The following B4GALT2 variants were observed in gnomAD, a reference collection of about 807,000 sequenced individuals.
B4GALT2 encodes the protein N-acetyllactosamine synthase.
A neutral mutation model predicts 33.2 loss-of-function variants in B4GALT2; 18 were observed. The observed-to-expected ratio is 0.54, with a 90% CI of 0.38 to 0.80. The LOEUF (loss-of-function observed/expected upper bound fraction) is 0.80, where lower values mean the gene tolerates loss of function less well. Among genes scored for constraint, B4GALT2 ranks in the 30% least tolerant of loss-of-function variants. The pLI is 0.00. For synonymous variants in B4GALT2, 214 were observed against 217.6 expected (o/e 0.98, Z 0.15); for missense variants, 404 against 526.2 (o/e 0.77, Z 2.27).
intron 3 of B4GALT2, among the ~76,000 whole-genome samples, chr1:43,983,424 G>C (rs2085622570): frequency 6.6e-6 from 1 of 152,208 alleles, no homozygotes. Context: ...GTCAGTGTCA[G>C]GAAGGAGACA....
intron 6 of B4GALT2, 97 bp from the exon 7 acceptor site, chr1:43,990,201 G>T (rs1446480968): frequency 2.0e-6 from 3 of 1,502,050 alleles, no homozygotes; most frequent in Non-Finnish European, 2.7e-6. Context: ...GGTCCCCTTG[G>T]CCAAAAGGGG....
At chr1:43,980,232 A>T in intron 1 of B4GALT2, 2 of 627,564 alleles carry the variant, frequency 3.2e-6, no homozygotes, top group Non-Finnish European at 5.0e-6. Context: ...CCACAGCTGG[A>T]GCCATCGCCC....
chr1:43,990,676 T>G lies in B4GALT2; in HGVS notation c.*228T>G. The G allele has an allele frequency of 1.7e-6, 1 of 584,498 alleles. No homozygotes were observed. Among genetic ancestry groups the G allele is most frequent in the Non-Finnish European group, 3.0e-6 (1 of 335,930 alleles). 36.2% of individuals were successfully genotyped at this position (584,498 alleles called of 1,614,324 possible). ...TGGCCCTCTTTGGAGTCAACCCTCC[T>G]TCCCGACCCCCTCCCCCTAGCCCAG... On this transcript the variant is annotated 3_prime_UTR_variant, in exon 7 of 7. Coordinates refer to ENST00000372324, the MANE Select transcript of B4GALT2 (RefSeq NM_003780.5).
intron 6 of B4GALT2, among the ~76,000 whole-genome samples, chr1:43,989,731 GA>G (rs2085703109): frequency 2.0e-5 from 3 of 152,240 alleles, no homozygotes; most frequent in Non-Finnish European, 4.4e-5. Flanking sequence ...GTCTTATCAG[GA>G]GAAAGTTACT....
Position 43,981,128 on chromosome 1 carries a change from G to C in B4GALT2, c.-33G>C, listed in dbSNP as rs2085588954. 2 of 1,592,774 alleles carry C rather than the reference G, an allele frequency of 1.3e-6. No individual in the cohort carries two copies. Among genetic ancestry groups the C allele is most frequent in the East Asian group, 4.5e-5 (2 of 44,700 alleles). On this transcript the variant is annotated 5_prime_UTR_variant, in exon 2 of 7. Transcript: ENST00000372324. The surrounding 1 kb of genome is among the most constrained non-coding windows in gnomAD (Gnocchi z 8.1). ...GCTCAGGCCAGCAGCCGGATGCCCG[G>C]GCCCACTGGGCGGGCCAGTGGCCGC...
rs771298822 is a variant in B4GALT2 at position 43,990,622 on chromosome 1, G to T, written c.*174G>T. ...GAAGTTTCAGAACCCACTTTGGGGG[G>T]CCTCCTGCCTGGGCAGGCTCTTCAA... On this transcript the variant is annotated 3_prime_UTR_variant, in exon 7 of 7. Coordinates refer to ENST00000372324, the MANE Select transcript of B4GALT2 (RefSeq NM_003780.5). 4.9e-5 allele frequency: 44 copies of T among 890,370 alleles called. No homozygotes were observed. Among genetic ancestry groups the T allele is most frequent in the Non-Finnish European group, 7.3e-5 (44 of 599,206 alleles). 55.2% of individuals were successfully genotyped at this position (890,370 alleles called of 1,614,324 possible).
At chr1:43,980,378 G>T (rs1005902129) in intron 1 of B4GALT2, 2 of 308,102 alleles carry the variant, frequency 6.5e-6, no homozygotes, top group Non-Finnish European at 1.1e-5. Flanking sequence ...TGGCTTTGAG[G>T]TCTTAAGTGA....
At chr1:43,985,659 A>C (rs764114218) in intron 6 of B4GALT2, 38 bp downstream of exon 6, 1 of 1,591,890 alleles carries the variant, frequency 6.3e-7, no homozygotes. Flanking sequence ...CCCCAGAGGC[A>C]ACTTCCCAAT....
chr1:43,980,430 C>T, intron 1 of B4GALT2: 1 of 555,452 alleles, frequency 1.8e-6, no homozygotes, highest in Non-Finnish European at 2.3e-6. Flanking sequence ...CGTTTTGCTC[C>T]AGTGGGAAGG....
rs747683462 is a variant in B4GALT2 at position 43,979,336 on chromosome 1, C to CGCGGCGGCG, written c.-208_-200dup. On this transcript the variant is annotated 5_prime_UTR_variant, in exon 1 of 7. Transcript: ENST00000372324. This position sits in a 1 kb window ranked among gnomAD's most constrained non-coding sequence, Gnocchi z 4.8. ...CCCGGGGCGGCTCGGCTCCATGGCCCGCGGCGGCGGCGGCGGCGGCGGCGG... is the reference window on the plus strand; with the variant it reads ...CCCGGGGCGGCTCGGCTCCATGGCCCGCGGCGGCGGCGGCGGCGGCGGCGGCGGCGGCGG... The CGCGGCGGCG allele has an allele frequency of 1.4e-4, 20 of 146,502 alleles. No homozygotes were observed. Among genetic ancestry groups the CGCGGCGGCG allele is most frequent in the Non-Finnish European group, 2.1e-4 (14 of 66,178 alleles). 9.1% of individuals were successfully genotyped at this position (146,502 alleles called of 1,614,324 possible). A position where few individuals can be genotyped will look rare whatever the true frequency, so the allele number is the denominator to read the frequency against.
rs188669335 is a variant in B4GALT2 at position 43,981,530 on chromosome 1, A to G, written c.313+57A>G. On this transcript the variant is annotated intron_variant, in intron 2 of 6. Coordinates refer to ENST00000372324, the MANE Select transcript of B4GALT2 (RefSeq NM_003780.5). This position sits in a 1 kb window ranked among gnomAD's most constrained non-coding sequence, Gnocchi z 8.1. ...GAAACAGGGTTTTATTGGTTTGACT[A>G]GAGAAATGGCATCTGGACCCAGGGG... 7.2e-6 allele frequency: 11 copies of G among 1,524,676 alleles called. No individual in the cohort carries two copies. In the South Asian group the frequency reaches 1.4e-4, roughly 19 times the overall value. 94.4% of individuals were successfully genotyped at this position (1,524,676 alleles called of 1,614,324 possible). A position where few individuals can be genotyped will look rare whatever the true frequency, so the allele number is the denominator to read the frequency against.
In B4GALT2 at chr1:43,981,127, G is replaced by C. The variant is rs753587540; in HGVS notation, c.-34G>C. ...TGCTCAGGCCAGCAGCCGGATGCCCGGGCCCACTGGGCGGGCCAGTGGCCG... is the reference window on the plus strand; with the variant it reads ...TGCTCAGGCCAGCAGCCGGATGCCCCGGCCCACTGGGCGGGCCAGTGGCCG... On this transcript the variant is annotated 5_prime_UTR_variant, in exon 2 of 7. Transcript: ENST00000372324. The surrounding 1 kb of genome is among the most constrained non-coding windows in gnomAD (Gnocchi z 8.1). The C allele has an allele frequency of 2.5e-6, 4 of 1,592,000 alleles. No homozygotes were observed. Among genetic ancestry groups the C allele is most frequent in the East Asian group, 4.5e-5 (2 of 44,614 alleles).
rs906852167 is a variant in B4GALT2, at chr1:43,979,923, G to A, written c.-53+412G>A. 25 of 1,474,860 alleles carry A rather than the reference G, an allele frequency of 1.7e-5. No homozygotes were observed. In the African/African-American group the frequency reaches 2.6e-4, roughly 15 times the overall value. The allele number at this position is 1,474,860 out of a possible 1,614,324, so 91.4% of individuals were successfully genotyped here. On this transcript the variant is annotated intron_variant, in intron 1 of 6. Coordinates refer to ENST00000372324, the MANE Select transcript of B4GALT2 (RefSeq NM_003780.5). The surrounding 1 kb of genome is among the most constrained non-coding windows in gnomAD (Gnocchi z 4.8). ...CCCAAACGCACCCCTCAGCCTGGCC[G>A]CCAGCCTGACCCAGAACCCCTGCGC... is the stretch of plus-strand genomic sequence containing the variant.
Position 43,981,513 on chromosome 1 carries a change from G to T in B4GALT2, c.313+40G>T, listed in dbSNP as rs2085596930. The T allele has an allele frequency of 1.3e-6, 2 of 1,532,484 alleles. No homozygotes were observed. Among genetic ancestry groups the T allele is most frequent in the Non-Finnish European group, 1.8e-6 (2 of 1,142,090 alleles). 94.9% of individuals were successfully genotyped at this position (1,532,484 alleles called of 1,614,324 possible). On this transcript the variant is annotated intron_variant, in intron 2 of 6. Coordinates refer to ENST00000372324, the MANE Select transcript of B4GALT2 (RefSeq NM_003780.5). The surrounding 1 kb of genome is among the most constrained non-coding windows in gnomAD (Gnocchi z 8.1). Reference sequence around the variant, plus strand: ...TAGGGCCTGCCTGTGGGGAAACAGGGTTTTATTGGTTTGACTAGAGAAATG... The same window carrying T: ...TAGGGCCTGCCTGTGGGGAAACAGGTTTTTATTGGTTTGACTAGAGAAATG...
Position 43,981,184 on chromosome 1 carries a change from G to C in B4GALT2, c.24G>C (p.Thr8=). 1 of 1,600,432 alleles carries C rather than the reference G, an allele frequency of 6.2e-7. No individual in the cohort carries two copies. Among genetic ancestry groups the C allele is most frequent in the Non-Finnish European group, 8.5e-7 (1 of 1,179,782 alleles). The change falls in exon 2 of 7, where the codon ACG becomes ACC. Residue 8 remains threonine (T), a synonymous_variant. Transcript: ENST00000372324. This position sits in a 1 kb window ranked among gnomAD's most constrained non-coding sequence, Gnocchi z 8.1. ...GGATGAGCAGACTGCTGGGGGGGAC[G>C]CTGGAGCGCGTCTGCAAGGCTGTGC... The part of the protein sequence containing the change: MSRLLGG[T]LERVCKAVLL...
chr1:43,988,488 C>T (rs2085684512), intron 6 of B4GALT2, among the ~76,000 whole-genome samples: 1 of 151,800 alleles, frequency 6.6e-6, no homozygotes, highest in African/African-American at 2.4e-5. Context: ...TGAACCCCAT[C>T]TCTACTAAAA....
chr1:43,986,446 C>T (rs1404150992), intron 6 of B4GALT2, among the ~76,000 whole-genome samples: 2 of 152,154 alleles, frequency 1.3e-5, no homozygotes. Flanking sequence ...CAAATATTTG[C>T]CTCACACCTA....
intron 6 of B4GALT2, among the ~76,000 whole-genome samples, chr1:43,987,565 C>G (rs756056746): frequency 6.6e-6 from 1 of 152,166 alleles, no homozygotes; most frequent in Non-Finnish European, 1.5e-5. Flanking sequence ...ACCCCTAAAA[C>G]ATATTTGAGT....
At chr1:43,989,535 T>G (rs543213848) in intron 6 of B4GALT2, among the ~76,000 whole-genome samples, 1 of 152,300 alleles carries the variant, frequency 6.6e-6, no homozygotes, top group African/African-American at 2.4e-5. Context: ...GAGCTATGAA[T>G]ATTTACGGAG....
Sources: gnomAD v4.1 joint callset for allele counts (sites outside exome capture counted in the v4.1 genomes callset) on GRCh38, gnomAD v4.1.1 for gene constraint, Gnocchi (gnomAD v3.1) non-coding constraint, MANE v1.5 for transcripts, NCBI Gene and HGNC (gene_info 2026-07-23, HGNC 2026-07-21) for gene names.